CDH13: variants seen among roughly 807,000 people sequenced by gnomAD.
CDH13 encodes the protein cadherin-13.
CDH13 carries 24 observed loss-of-function variants against 63.8 expected under a neutral mutation model. The ratio of observed to expected loss-of-function variants is 0.38; its 90% CI spans 0.27 to 0.53. The LOEUF is 0.53. CDH13 is among the 20% of genes least tolerant of loss of function. The pLI is 0.85. For missense variants in CDH13, 1,049 were observed against 903.1 expected (o/e 1.16, Z -2.07); for synonymous variants, 503 against 355.3 (o/e 1.42, Z -4.67).
At chr16:83,170,798 G>T (rs904253344) in intron 4 of CDH13, among the ~76,000 whole-genome samples, 4 of 152,056 alleles carry the variant, frequency 2.6e-5, no homozygotes, top group African/African-American at 9.7e-5. Context: ...GGAGATGTAG[G>T]CATGTGCATG....
At chr16:82,784,575 C>A (rs1317933419) in intron 1 of CDH13, among the ~76,000 whole-genome samples, 1 of 152,204 alleles carries the variant, frequency 6.6e-6, no homozygotes, top group Non-Finnish European at 1.5e-5. Context: ...TCCTTGCCCA[C>A]ACATGGTTAG....
intron 5 of CDH13, among the ~76,000 whole-genome samples, chr16:83,231,165 A>C (rs1382108064): frequency 6.6e-6 from 1 of 152,092 alleles, no homozygotes; most frequent in East Asian, 1.9e-4. Context: ...TTTTGTAATA[A>C]TCCCTTTCTC....
intron 6 of CDH13, among the ~76,000 whole-genome samples, chr16:83,431,714 C>G (rs2072114834): frequency 6.6e-6 from 1 of 152,058 alleles, no homozygotes; most frequent in Non-Finnish European, 1.5e-5. Context: ...CACACACTTT[C>G]AAACAACCAG....
chr16:83,367,046 A>G (rs762327300), intron 6 of CDH13, among the ~76,000 whole-genome samples: 2 of 152,200 alleles, frequency 1.3e-5, no homozygotes, highest in Non-Finnish European at 2.9e-5. Context: ...ATAAAGTTAC[A>G]CAATCATCGC....
At chr16:83,059,907 C>T (rs1278484668) in intron 3 of CDH13, among the ~76,000 whole-genome samples, 1 of 151,088 alleles carries the variant, frequency 6.6e-6, no homozygotes, top group Non-Finnish European at 1.5e-5. Flanking sequence ...CATTCTCCTG[C>T]CTCAGCCTCC....
At chr16:83,370,723 A>T (rs1374094790) in intron 6 of CDH13, among the ~76,000 whole-genome samples, 1 of 152,130 alleles carries the variant, frequency 6.6e-6, no homozygotes, top group Non-Finnish European at 1.5e-5. Flanking sequence ...ACATGTGGCA[A>T]TTGGTTTTCC....
intron 8 of CDH13, among the ~76,000 whole-genome samples, chr16:83,626,644 C>T (rs1237001770): frequency 6.6e-6 from 1 of 152,042 alleles, no homozygotes; most frequent in African/African-American, 2.4e-5. Context: ...ACGTTGTCCT[C>T]TGCCCCCAAG....
At chr16:83,194,979 T>A (rs1267087736) in intron 4 of CDH13, among the ~76,000 whole-genome samples, 1 of 152,192 alleles carries the variant, frequency 6.6e-6, no homozygotes, top group Non-Finnish European at 1.5e-5. Context: ...TTTTTTCATA[T>A]AGGTAAAAAA....
chr16:83,699,407 T>A (rs1376690192), intron 10 of CDH13, among the ~76,000 whole-genome samples: 2 of 152,238 alleles, frequency 1.3e-5, no homozygotes, highest in Non-Finnish European at 2.9e-5. Context: ...AGTTGATAAG[T>A]CCTGACTGCA....
chr16:82,901,743 G>T (rs542171178), intron 2 of CDH13, among the ~76,000 whole-genome samples: 1 of 152,130 alleles, frequency 6.6e-6, no homozygotes, highest in Non-Finnish European at 1.5e-5. Context: ...AAATGGATAC[G>T]AACCATATAC....
At chr16:83,164,439 C>T (rs538183410) in intron 4 of CDH13, among the ~76,000 whole-genome samples, 1 of 152,068 alleles carries the variant, frequency 6.6e-6, no homozygotes, top group Non-Finnish European at 1.5e-5. Flanking sequence ...ACTAGAGTGT[C>T]TAAGCAGGTG....
In CDH13 at chr16:83,264,429, A is replaced by G. The variant is rs567050114; in HGVS notation, c.636+46932A>G. Among the ~76,000 whole-genome samples the G allele has an allele frequency of 4.6e-5, 7 of 152,242 alleles. No homozygotes were observed. In the South Asian group the frequency reaches 1.5e-3, roughly 32 times the overall value. Reference sequence around the variant, plus strand: ...CTTCATCAATAACATATGTAGAAATATATATACTTATATGTGGATATATAC... The same window carrying G: ...CTTCATCAATAACATATGTAGAAATGTATATACTTATATGTGGATATATAC... On this transcript the variant is annotated intron_variant, in intron 5 of 13. Coordinates refer to ENST00000567109, the MANE Select transcript of CDH13 (RefSeq NM_001257.5).
rs369559488 is a variant in CDH13, at chr16:83,730,022, A to G, written c.1539-18086A>G. On this transcript the variant is annotated intron_variant, in intron 10 of 13. Transcript: ENST00000567109. The stretch of plus-strand genomic sequence containing the variant: ...TTTGCATGTGGACCCTCACGGTGCT[A>G]TACACATACCTACCTACTATAAAGA... Among the ~76,000 whole-genome samples, 9 of 152,350 alleles carry G rather than the reference A, an allele frequency of 5.9e-5. No homozygotes were observed. The South Asian group carries it at 1.2e-3, about 21-fold the overall frequency.
At chr16:82,685,269 G>T (rs1015583364) in intron 1 of CDH13, among the ~76,000 whole-genome samples, 5 of 152,186 alleles carry the variant, frequency 3.3e-5, no homozygotes, top group Admixed American at 6.5e-5. Flanking sequence ...AGCGCCAACA[G>T]ATTTAGTGTC....
At chr16:83,008,229 GA>G (rs993274698) in intron 2 of CDH13, among the ~76,000 whole-genome samples, 23 of 151,958 alleles carry the variant, frequency 1.5e-4, no homozygotes, top group Admixed American at 6.6e-4. Flanking sequence ...GTGCTAAGGA[GA>G]AAAAAAATAG....
At chr16:82,856,518 A>T (rs768049099) in intron 1 of CDH13, among the ~76,000 whole-genome samples, 6 of 151,602 alleles carry the variant, frequency 4.0e-5, no homozygotes, top group Non-Finnish European at 8.8e-5. Flanking sequence ...CCTGTGCAAC[A>T]TAGTGAAACC....
intron 2 of CDH13, among the ~76,000 whole-genome samples, chr16:82,885,225 C>T (rs1391797730): frequency 1.3e-5 from 2 of 152,074 alleles, no homozygotes; most frequent in African/African-American, 4.8e-5. Context: ...TAATGTAAAA[C>T]ATATTTCTAT....
At chr16:83,615,127 A>G (rs1162722750) in intron 8 of CDH13, among the ~76,000 whole-genome samples, 1 of 152,180 alleles carries the variant, frequency 6.6e-6, no homozygotes, top group East Asian at 1.9e-4. Context: ...CCAGAAGTCT[A>G]ATTGAAGTAA....
chr16:83,000,599 T>G (rs1392673289), intron 2 of CDH13, among the ~76,000 whole-genome samples: 1 of 150,452 alleles, frequency 6.6e-6, no homozygotes, highest in Non-Finnish European at 1.5e-5. Context: ...TTGTTTTGTT[T>G]TGTTTTTTGA....
Sources: gnomAD v4.1 joint callset for allele counts (sites outside exome capture counted in the v4.1 genomes callset) on GRCh38, gnomAD v4.1.1 for gene constraint, MANE v1.5 for transcripts, NCBI Gene and HGNC (gene_info 2026-07-23, HGNC 2026-07-21) for gene names.